NOS1: variants seen among roughly 807,000 people sequenced by gnomAD.
The protein encoded by NOS1 is nitric oxide synthase 1.
In NOS1, 51 loss-of-function variants were observed where a neutral mutation model predicts 164.5. The observed-to-expected ratio is 0.31, with a 90% CI of 0.25 to 0.39. The LOEUF (loss-of-function observed/expected upper bound fraction) is 0.39, where lower values mean the gene tolerates loss of function less well. Among genes scored for constraint, NOS1 ranks in the 10% least tolerant of loss-of-function variants. The probability of loss-of-function intolerance (pLI) is 1.00; values close to 1 mark genes in which losing one functional copy is unlikely to be tolerated. For missense variants in NOS1, 1,362 were observed against 1,885.6 expected (o/e 0.72, Z 5.14); for synonymous variants, 719 against 745.8 (o/e 0.96, Z 0.59).
At chr12:117,281,314 G>GT (rs970007998) in intron 7 of NOS1, among the ~76,000 whole-genome samples, 32 of 151,810 alleles carry the variant, frequency 2.1e-4, no homozygotes, top group African/African-American at 6.5e-4. Flanking sequence ...GAAGTCAGGT[G>GT]TTTGAGACCA....
chr12:117,299,883 G>A (rs974037532), intron 3 of NOS1, among the ~76,000 whole-genome samples: 5 of 151,778 alleles, frequency 3.3e-5, no homozygotes, highest in Admixed American at 6.6e-5. Flanking sequence ...GATGTTACTG[G>A]ACAACTTTCA....
intron 1 of NOS1, among the ~76,000 whole-genome samples, chr12:117,359,766 G>A (rs549242860): frequency 9.3e-4 from 140 of 150,842 alleles, no homozygotes; most frequent in African/African-American, 3.2e-3. Context: ...GCAATCTTCC[G>A]CAGCCTGTAG....
intron 1 of NOS1, among the ~76,000 whole-genome samples, chr12:117,332,889 T>G (rs994412830): frequency 1.4e-4 from 21 of 152,052 alleles, no homozygotes; most frequent in Admixed American, 1.4e-3. Context: ...AAAATCAAAT[T>G]TATATTCTAG....
chr12:117,292,027 C>T (rs1444295496), intron 3 of NOS1, among the ~76,000 whole-genome samples: 4 of 152,174 alleles, frequency 2.6e-5, no homozygotes, highest in East Asian at 1.9e-4. Context: ...GCAAAGAGTA[C>T]ATCAGTGCAC....
intron 8 of NOS1, 42 bp downstream of exon 8, chr12:117,280,683 G>A: frequency 6.3e-7 from 1 of 1,594,942 alleles, no homozygotes; most frequent in Non-Finnish European, 8.6e-7. Flanking sequence ...GGGGACATAA[G>A]AGCCCATGTT....
In NOS1 at chr12:117,209,664, G is replaced by T; in HGVS notation, c.*5645C>A. 3 of 985,432 alleles carry T rather than the reference G, an allele frequency of 3.0e-6. No individual in the cohort carries two copies. Among genetic ancestry groups the T allele is most frequent in the Non-Finnish European group, 3.6e-6 (3 of 829,944 alleles). 61.0% of individuals were successfully genotyped at this position (985,432 alleles called of 1,614,324 possible). The stretch of plus-strand genomic sequence containing the variant: ...ATATTGACAGCTGACCACCTCCCTC[G>T]CACATGGCTTTGATAAGTATTAATA... On this transcript the variant is annotated 3_prime_UTR_variant, in exon 29 of 29. Coordinates refer to ENST00000317775, the MANE Select transcript of NOS1 (RefSeq NM_000620.5).
At chr12:117,245,665 C>A (rs551407202) in intron 18 of NOS1, 2 of 152,486 alleles carry the variant, frequency 1.3e-5, no homozygotes, top group African/African-American at 4.8e-5. Context: ...CACCTGTAAT[C>A]CCAGCACTTT....
rs1035292122 is a variant in NOS1, at chr12:117,234,270, A to G, written c.3235+295T>C. On this transcript the variant is annotated intron_variant, in intron 21 of 28. Coordinates refer to ENST00000317775, the MANE Select transcript of NOS1 (RefSeq NM_000620.5). This position sits in a 1 kb window ranked among gnomAD's most constrained non-coding sequence, Gnocchi z 4.3. ...GGGCTAGTGGTGAGGATGGAAAGTG[A>G]AAAGAATGGCTACTGCTAAAGTCCG... Among the ~76,000 whole-genome samples, 2 of 152,180 alleles carry G rather than the reference A, an allele frequency of 1.3e-5. No individual in the cohort carries two copies. Among genetic ancestry groups the G allele is most frequent in the African/African-American group, 2.4e-5 (1 of 41,430 alleles).
chr12:117,278,205 C>T (rs1566054959), intron 8 of NOS1, 107 bp from the exon 9 acceptor site: 1 of 1,287,426 alleles, frequency 7.8e-7, no homozygotes, highest in Non-Finnish European at 1.0e-6. Flanking sequence ...ATGCAAGCCC[C>T]CAGGAGACAT....
At chr12:117,218,355 A>T (rs1021086947) in intron 27 of NOS1, among the ~76,000 whole-genome samples, 191 bp from the exon 28 acceptor site, 6 of 152,084 alleles carry the variant, frequency 3.9e-5, no homozygotes, top group Admixed American at 1.3e-4. Context: ...GTTCTCTGGG[A>T]CGTGGGGCAA....
At chr12:117,348,383 G>A (rs145305160) in intron 1 of NOS1, 19 of 152,162 alleles carry the variant, frequency 1.2e-4, no homozygotes, top group African/African-American at 3.9e-4. Context: ...TGGTGCCTCC[G>A]TTTCTTCATC....
At position 117,352,120 on chromosome 12, in the gene NOS1, C is replaced by A. The variant is rs115081262; in HGVS notation, c.-421+9392G>T. On this transcript the variant is annotated intron_variant, in intron 1 of 28. Coordinates refer to ENST00000317775, the MANE Select transcript of NOS1 (RefSeq NM_000620.5). ...CCAGGAAAGTTGAGGTTGCAGTGAG[C>A]CATCATCACGCCACTGCACTCCAGC... Among the ~76,000 whole-genome samples the A allele has an allele frequency of 6.7e-3, 1,024 of 152,242 alleles. 9 individuals carry two copies. Among genetic ancestry groups the A allele is most frequent in the African/African-American group, 0.023 (974 of 41,532 alleles).
chr12:117,322,037 CTTCT>C (rs1874962785), intron 2 of NOS1, among the ~76,000 whole-genome samples: 2 of 127,968 alleles, frequency 1.6e-5, no homozygotes, highest in East Asian at 5.1e-4. Context: ...TCCTTTCCTC[CTTCT>C]CTCCTTCCTT....
rs1280582757 is a variant in NOS1, at chr12:117,234,707, C to T, written c.3093G>A (p.Gln1031=). 6.2e-7 allele frequency: 1 copy of T among 1,613,928 alleles called. No homozygotes were observed. The highest frequency in any genetic ancestry group is 8.5e-7 in the Non-Finnish European group (1 of 1,179,880). ...CACCCAGGTGGTCCCCAGGCTGGTA[C>T]TGCAGCTCCTGGCTCCCGTTGGTGT... ...RLHTNGSQEL[Q]YQPGDHLGVF... The change falls in exon 21 of 29, where the codon CAG becomes CAA. Residue 1031 remains glutamine, a synonymous_variant. Transcript: ENST00000317775. This position sits in a 1 kb window ranked among gnomAD's most constrained non-coding sequence, Gnocchi z 4.3.
In NOS1 at chr12:117,217,936, G is replaced by A. The variant is rs961710481; in HGVS notation, c.4289+110C>T. 3.9e-6 allele frequency: 3 copies of A among 776,654 alleles called. No individual in the cohort carries two copies. The African/African-American group carries it at 5.2e-5, about 13-fold the overall frequency. 48.1% of individuals were successfully genotyped at this position (776,654 alleles called of 1,614,324 possible). A position where few individuals can be genotyped will look rare whatever the true frequency, so the allele number is the denominator to read the frequency against. On this transcript the variant is annotated intron_variant, in intron 28 of 28. Coordinates refer to ENST00000317775, the MANE Select transcript of NOS1 (RefSeq NM_000620.5). ...TTTGAACACGTTCCCAGATGGTGCT[G>A]ATGCTGCTGTTTTGGGGACCCTGCC... is the stretch of plus-strand genomic sequence containing the variant.
intron 1 of NOS1, among the ~76,000 whole-genome samples, chr12:117,345,728 C>T (rs1876318351): frequency 6.6e-6 from 1 of 152,192 alleles, no homozygotes; most frequent in African/African-American, 2.4e-5. Flanking sequence ...GGCTCAGTGG[C>T]TCATGCCTGT....
intron 11 of NOS1, among the ~76,000 whole-genome samples, chr12:117,267,647 T>C (rs1872520909): frequency 6.6e-6 from 1 of 152,088 alleles, no homozygotes; most frequent in African/African-American, 2.4e-5. Context: ...CCTGCTATAA[T>C]GCCATTTAGC....
intron 10 of NOS1, among the ~76,000 whole-genome samples, chr12:117,269,001 G>A (rs1872620535): frequency 6.6e-6 from 1 of 152,184 alleles, no homozygotes; most frequent in Non-Finnish European, 1.5e-5. Context: ...CAGGAAACTA[G>A]AGACTCGGCT....
rs540024596 is a variant in NOS1 at position 117,354,657 on chromosome 12, G to T, written c.-421+6855C>A. Among the ~76,000 whole-genome samples, 3 of 152,262 alleles carry T rather than the reference G, an allele frequency of 2.0e-5. No homozygotes were observed. In the East Asian group the frequency reaches 5.8e-4, roughly 29 times the overall value. Reference sequence around the variant, plus strand: ...CATAGAGCCCAATGTGATCCATGTGGCTGTTTTAGTGACTAAATAGGATGG... The same window carrying T: ...CATAGAGCCCAATGTGATCCATGTGTCTGTTTTAGTGACTAAATAGGATGG... On this transcript the variant is annotated intron_variant, in intron 1 of 28. Coordinates refer to ENST00000317775, the MANE Select transcript of NOS1 (RefSeq NM_000620.5).
Sources: allele counts gnomAD v4.1 joint callset (sites outside exome capture counted in the v4.1 genomes callset), GRCh38; gene constraint gnomAD v4.1.1; non-coding constraint Gnocchi (gnomAD v3.1); transcripts MANE v1.5; gene names NCBI Gene and HGNC (gene_info 2026-07-23, HGNC 2026-07-21).